LRRC49: variants seen among roughly 807,000 people sequenced by gnomAD.
LRRC49 encodes leucine rich repeat containing 49.
LRRC49 carries 50 observed loss-of-function variants against 83.3 expected under a neutral mutation model. The observed-to-expected ratio is 0.60, with a 90% CI of 0.48 to 0.76. The LOEUF (loss-of-function observed/expected upper bound fraction) is 0.76. Among genes scored for constraint, LRRC49 ranks in the 30% least tolerant of loss-of-function variants. The probability of loss-of-function intolerance (pLI) is 0.00; values close to 1 mark genes in which losing one functional copy is unlikely to be tolerated. For missense variants in LRRC49, 704 were observed against 809.1 expected (o/e 0.87, Z 1.58); for synonymous variants, 286 against 283.3 (o/e 1.01, Z -0.10).
intron 8 of LRRC49, among the ~76,000 whole-genome samples, chr15:70,949,340 G>A (rs1344692686): frequency 1.3e-5 from 2 of 152,176 alleles, no homozygotes; most frequent in Non-Finnish European, 2.9e-5. Context: ...GTTGTCTAGT[G>A]ATATCATAGC....
chr15:70,898,393 A>T (rs1397635948), intron 3 of LRRC49: 1 of 701,756 alleles, frequency 1.4e-6, no homozygotes, highest in Non-Finnish European at 2.6e-6. Flanking sequence ...AAAGAATGTA[A>T]AATGAGGTCC....
chr15:70,908,488 G>T (rs11636579), intron 5 of LRRC49: 147,825 of 153,752 alleles, frequency 0.96, 71,224 homozygotes, highest in East Asian at 1. Context: ...CTGAGTCAGT[G>T]CCTGAGTAGA....
intron 2 of LRRC49, among the ~76,000 whole-genome samples, chr15:70,874,726 A>C (rs554616806): frequency 6.6e-6 from 1 of 152,358 alleles, no homozygotes; most frequent in East Asian, 1.9e-4. Flanking sequence ...AAGGACTGAC[A>C]TATATGTGAA....
At chr15:70,994,581 C>T (rs2038014589) in intron 11 of LRRC49, among the ~76,000 whole-genome samples, 1 of 152,076 alleles carries the variant, frequency 6.6e-6, no homozygotes, top group African/African-American at 2.4e-5. Context: ...CTTGAGCAGT[C>T]CTCCCACCTC....
Position 70,974,591 on chromosome 15 carries a change from A to T in LRRC49, c.922-5510A>T, listed in dbSNP as rs537225644. Among the ~76,000 whole-genome samples the T allele has an allele frequency of 8.7e-3, 1,324 of 152,314 alleles. 16 individuals carry two copies. The highest frequency in any genetic ancestry group is 0.01 in the Middle Eastern group (3 of 294). On this transcript the variant is annotated intron_variant, in intron 9 of 15. Transcript: ENST00000260382. Reference sequence around the variant, plus strand: ...TTGGTATATTGGTTGATCAAATGAGAATCCAAAAGTATCTCCATAGTCTAG... The same window carrying T: ...TTGGTATATTGGTTGATCAAATGAGTATCCAAAAGTATCTCCATAGTCTAG...
At chr15:70,886,729 G>T (rs968486646) in intron 2 of LRRC49, among the ~76,000 whole-genome samples, 6 of 152,076 alleles carry the variant, frequency 3.9e-5, no homozygotes, top group African/African-American at 1.4e-4. Flanking sequence ...AGCTGGGTGC[G>T]GTGGCAGGCA....
At chr15:70,882,780 C>A in intron 2 of LRRC49, 1 of 1,614,134 alleles carries the variant, frequency 6.2e-7, no homozygotes, top group Non-Finnish European at 8.5e-7. Flanking sequence ...GGTGACGGGG[C>A]CTTTTCAAAG....
At chr15:71,027,649 G>A (rs1269993875) in intron 14 of LRRC49, among the ~76,000 whole-genome samples, 3 of 151,674 alleles carry the variant, frequency 2.0e-5, no homozygotes, top group Non-Finnish European at 2.9e-5. Context: ...CCTTGAAGAG[G>A]TCCTTCACAT....
At chr15:70,903,301 A>G (rs996654425) in intron 4 of LRRC49, among the ~76,000 whole-genome samples, 1 of 152,000 alleles carries the variant, frequency 6.6e-6, no homozygotes, top group African/African-American at 2.4e-5. Flanking sequence ...TGGATAAAAT[A>G]TTGTGATAAA....
At chr15:71,017,978 A>G (rs2038878850) in intron 14 of LRRC49, among the ~76,000 whole-genome samples, 1 of 152,180 alleles carries the variant, frequency 6.6e-6, no homozygotes, top group African/African-American at 2.4e-5. Context: ...TAAGTATATC[A>G]TAGTACTTCC....
chr15:71,052,566 T>G lies in LRRC49; in HGVS notation c.*2954T>G, dbSNP rs994027321. The G allele has an allele frequency of 5.3e-5, 8 of 152,198 alleles. No homozygotes were observed. Among genetic ancestry groups the G allele is most frequent in the African/African-American group, 1.9e-4 (8 of 41,442 alleles). 9.4% of individuals were successfully genotyped at this position (152,198 alleles called of 1,614,324 possible). On this transcript the variant is annotated 3_prime_UTR_variant, in exon 16 of 16. Coordinates refer to ENST00000260382, the MANE Select transcript of LRRC49 (RefSeq NM_017691.5). ...CCCTACCATGCTCCTGATCTATTCCTGATTGGGCAAGGAATGCACTGGGAT... is the reference window on the plus strand; with the variant it reads ...CCCTACCATGCTCCTGATCTATTCCGGATTGGGCAAGGAATGCACTGGGAT...
intron 5 of LRRC49, among the ~76,000 whole-genome samples, chr15:70,906,297 A>C (rs2034311410): frequency 1.3e-5 from 2 of 151,742 alleles, no homozygotes; most frequent in South Asian, 4.2e-4. Flanking sequence ...GGGTTTCACC[A>C]TGTTGGCCAG....
In LRRC49 at chr15:70,984,211, T is replaced by A; in HGVS notation, c.1123T>A (p.Cys375Ser). 1 of 1,613,166 alleles carries A rather than the reference T, an allele frequency of 6.2e-7. No individual in the cohort carries two copies. The highest frequency in any genetic ancestry group is 1.3e-5 in the African/African-American group (1 of 74,992). Residue 375 changes from cysteine to serine, a missense_variant, in exon 11 of 16, where the codon TGT becomes AGT. Cys to Ser is a moderately radical substitution (Grantham distance 112). Transcript: ENST00000260382. ...RKDSDSPQDP[C>S]QIDGSTLSAF... ...AGATTCTGACTCTCCTCAGGACCCCTGTCAGATTGATGGAAGCACCCTCTC... is the reference window on the plus strand; with the variant it reads ...AGATTCTGACTCTCCTCAGGACCCCAGTCAGATTGATGGAAGCACCCTCTC...
At chr15:71,024,794 C>G (rs943862641) in intron 14 of LRRC49, among the ~76,000 whole-genome samples, 1 of 151,616 alleles carries the variant, frequency 6.6e-6, no homozygotes, top group Non-Finnish European at 1.5e-5. Context: ...TGCAAAGAAG[C>G]CAAGAACCAT....
At chr15:70,953,741 T>G (rs903933506) in intron 8 of LRRC49, among the ~76,000 whole-genome samples, 1 of 152,174 alleles carries the variant, frequency 6.6e-6, no homozygotes, top group Non-Finnish European at 1.5e-5. Flanking sequence ...TTCTCCTCTT[T>G]CTGGAATGCA....
chr15:70,940,525 G>A lies in LRRC49; in HGVS notation c.773+3703G>A, dbSNP rs566903716. On this transcript the variant is annotated intron_variant, in intron 8 of 15. Transcript: ENST00000260382. ...CCCAAAGTGCTGGGATTACAGGCGT[G>A]AGCCACTGCGCCGGCCTATATGGAT... Among the ~76,000 whole-genome samples, 4 of 152,174 alleles carry A rather than the reference G, an allele frequency of 2.6e-5. No homozygotes were observed. The South Asian group carries it at 8.3e-4, about 32-fold the overall frequency.
chr15:70,954,871 G>A (rs899792039), intron 8 of LRRC49, among the ~76,000 whole-genome samples: 1 of 152,144 alleles, frequency 6.6e-6, no homozygotes, highest in Non-Finnish European at 1.5e-5. Context: ...GGGCAGCAGG[G>A]GCACTGTGGG....
intron 15 of LRRC49, among the ~76,000 whole-genome samples, chr15:71,037,699 A>G (rs2039568307): frequency 6.6e-6 from 1 of 152,192 alleles, no homozygotes; most frequent in Non-Finnish European, 1.5e-5. Context: ...CCAGACCATC[A>G]GAGAACACAG....
At chr15:70,936,271 G>T (rs2035594333) in intron 7 of LRRC49, among the ~76,000 whole-genome samples, 1 of 152,018 alleles carries the variant, frequency 6.6e-6, no homozygotes, top group South Asian at 2.1e-4. Context: ...TTAGTGTATT[G>T]GTTCATTTGT....
Sources: gnomAD v4.1 joint callset for allele counts (sites outside exome capture counted in the v4.1 genomes callset) on GRCh38, gnomAD v4.1.1 for gene constraint, MANE v1.5 for transcripts, NCBI Gene and HGNC (gene_info 2026-07-23, HGNC 2026-07-21) for gene names.